Variants in IPO8 observed in about 807,000 individuals in gnomAD.
IPO8 encodes importin-8.
Under a neutral mutation model 141.2 loss-of-function variants are expected in IPO8, and 65 were observed. That is an observed-to-expected ratio of 0.46 (90% confidence interval 0.38 to 0.57). The LOEUF is 0.57. Ranked by LOEUF, IPO8 falls within the 20% of genes least tolerant of loss-of-function variation. The pLI, the probability that IPO8 is intolerant of heterozygous loss-of-function variation, is 0.00. For missense variants in IPO8, 980 were observed against 1,246.8 expected (o/e 0.79, Z 3.22); for synonymous variants, 411 against 420.3 (o/e 0.98, Z 0.27).
chr12:30,634,819 A>G (rs1162066081), intron 22 of IPO8, among the ~76,000 whole-genome samples: 1 of 152,098 alleles, frequency 6.6e-6, no homozygotes, highest in East Asian at 1.9e-4. Context: ...ATCCCACTTC[A>G]GGATATATAT....
intron 23 of IPO8, among the ~76,000 whole-genome samples, chr12:30,632,533 A>G (rs941597394): frequency 2.6e-5 from 4 of 152,134 alleles, no homozygotes; most frequent in African/African-American, 4.8e-5. Context: ...CACCAGTTCT[A>G]TTAGTCTCCC....
rs542021759 is a variant in IPO8, at chr12:30,695,266, A to G, written c.84+298T>C. ...TAAATCACACCCTGAAAACACTAGCACAGGTTGCAAAAACTGCTTCTTGCG... is the reference window on the plus strand; with the variant it reads ...TAAATCACACCCTGAAAACACTAGCGCAGGTTGCAAAAACTGCTTCTTGCG... On this transcript the variant is annotated intron_variant, in intron 1 of 24. Transcript: ENST00000256079. The surrounding 1 kb of genome is among the most constrained non-coding windows in gnomAD (Gnocchi z 4.2). Among the ~76,000 whole-genome samples, 1 of 152,352 alleles carries G rather than the reference A, an allele frequency of 6.6e-6. No individual in the cohort carries two copies. The highest frequency in any genetic ancestry group is 2.4e-5 in the African/African-American group (1 of 41,586).
At chr12:30,661,776 G>A (rs2052891461) in intron 15 of IPO8, among the ~76,000 whole-genome samples, 1 of 151,818 alleles carries the variant, frequency 6.6e-6, no homozygotes, top group Non-Finnish European at 1.5e-5. Flanking sequence ...CCAAACTGAA[G>A]GAAATGAGCT....
intron 6 of IPO8, among the ~76,000 whole-genome samples, chr12:30,675,570 G>A (rs1404919048): frequency 2.0e-5 from 3 of 151,972 alleles, no homozygotes; most frequent in Non-Finnish European, 2.9e-5. Flanking sequence ...GCTCACGCCT[G>A]TAATCCCAGC....
At chr12:30,662,002 T>C (rs562041541) in intron 15 of IPO8, among the ~76,000 whole-genome samples, 17 of 152,198 alleles carry the variant, frequency 1.1e-4, no homozygotes, top group Non-Finnish European at 2.4e-4. Context: ...TCATCCTTGC[T>C]TGAACATCAT....
rs1257541313 is a variant in IPO8, at chr12:30,630,387, G to C, written c.*473C>G. 6.5e-6 allele frequency: 1 copy of C among 152,824 alleles called. No individual in the cohort carries two copies. The highest frequency in any genetic ancestry group is 6.5e-5 in the Admixed American group (1 of 15,274). 9.5% of individuals were successfully genotyped at this position (152,824 alleles called of 1,614,324 possible). A position where few individuals can be genotyped will look rare whatever the true frequency, so the allele number is the denominator to read the frequency against. ...CAATAAATTCACAGAGTAAAATGCAGAATAGTTGACATATAACCAAGGTTT... is the reference window on the plus strand; with the variant it reads ...CAATAAATTCACAGAGTAAAATGCACAATAGTTGACATATAACCAAGGTTT... On this transcript the variant is annotated 3_prime_UTR_variant, in exon 25 of 25. Coordinates refer to ENST00000256079, the MANE Select transcript of IPO8 (RefSeq NM_006390.4).
intron 5 of IPO8, among the ~76,000 whole-genome samples, chr12:30,678,888 G>A (rs991431614): frequency 1.3e-5 from 2 of 152,178 alleles, no homozygotes; most frequent in African/African-American, 4.8e-5. Context: ...CACCCAGGCT[G>A]CAGTGCAATG....
chr12:30,679,470 C>T (rs1338583794), intron 5 of IPO8, among the ~76,000 whole-genome samples: 1 of 152,060 alleles, frequency 6.6e-6, no homozygotes, highest in Non-Finnish European at 1.5e-5. Flanking sequence ...AGTCTGGCCT[C>T]TGAATATTAT....
chr12:30,676,968 A>AT, intron 5 of IPO8: 1 of 1,531,940 alleles, frequency 6.5e-7, no homozygotes, highest in Non-Finnish European at 8.7e-7. Context: ...CTCATGAAAC[A>AT]TTTTTTTAAA....
chr12:30,659,037 C>T (rs1020399218), intron 16 of IPO8, among the ~76,000 whole-genome samples: 1 of 151,900 alleles, frequency 6.6e-6, no homozygotes, highest in African/African-American at 2.4e-5. Flanking sequence ...CCCGCCACCA[C>T]GCCAGGCTAA....
chr12:30,639,130 C>T (rs1359593120), intron 21 of IPO8, among the ~76,000 whole-genome samples: 1 of 152,160 alleles, frequency 6.6e-6, no homozygotes, highest in African/African-American at 2.4e-5. Context: ...TGTGACATTA[C>T]ATTTTATCTT....
chr12:30,676,669 A>G (rs900818252), intron 5 of IPO8, 82 bp from the exon 6 acceptor site: 2 of 976,610 alleles, frequency 2.0e-6, no homozygotes, highest in Non-Finnish European at 3.3e-6. Context: ...TAAGGCTAAA[A>G]TATATGAAAG....
chr12:30,681,383 C>G (rs1012797641), intron 4 of IPO8, among the ~76,000 whole-genome samples: 2 of 152,158 alleles, frequency 1.3e-5, no homozygotes, highest in African/African-American at 4.8e-5. Context: ...ATCAGAGTTT[C>G]CAAGGAAAGC....
At chr12:30,631,128 T>A (rs2052426255) in intron 24 of IPO8, among the ~76,000 whole-genome samples, 171 bp from the exon 25 acceptor site, 1 of 152,178 alleles carries the variant, frequency 6.6e-6, no homozygotes, top group Non-Finnish European at 1.5e-5. Context: ...CAGACCTATG[T>A]CAATAAGGTG....
chr12:30,686,896 A>G (rs981689480), intron 2 of IPO8, among the ~76,000 whole-genome samples: 1 of 152,126 alleles, frequency 6.6e-6, no homozygotes, highest in Non-Finnish European at 1.5e-5. Flanking sequence ...AGGCACACTG[A>G]CTAATTTGTA....
intron 21 of IPO8, among the ~76,000 whole-genome samples, chr12:30,637,779 AC>A (rs1481347871): frequency 2.6e-5 from 4 of 152,230 alleles, no homozygotes; most frequent in Admixed American, 2.6e-4. Context: ...TAAACATTAG[AC>A]ATTTTTCTAC....
chr12:30,667,944 T>C (rs921112278), intron 10 of IPO8, among the ~76,000 whole-genome samples: 13 of 151,990 alleles, frequency 8.6e-5, no homozygotes, highest in Non-Finnish European at 4.4e-5. Flanking sequence ...GAAACCAGCC[T>C]GGGAAATACA....
chr12:30,644,975 G>C (rs1416244149), intron 20 of IPO8, among the ~76,000 whole-genome samples: 1 of 151,950 alleles, frequency 6.6e-6, no homozygotes, highest in Non-Finnish European at 1.5e-5. Context: ...TTTGAAAATG[G>C]CAAATCGGCC....
intron 22 of IPO8, among the ~76,000 whole-genome samples, chr12:30,635,128 G>A (rs2052483683): frequency 6.6e-6 from 1 of 152,100 alleles, no homozygotes; most frequent in Non-Finnish European, 1.5e-5. Flanking sequence ...ACTCATAGAA[G>A]TAGAGAATAG....
Sources: allele counts gnomAD v4.1 joint callset (sites outside exome capture counted in the v4.1 genomes callset), GRCh38; gene constraint gnomAD v4.1.1; non-coding constraint Gnocchi (gnomAD v3.1); transcripts MANE v1.5; gene names NCBI Gene and HGNC (gene_info 2026-07-23, HGNC 2026-07-21).